The following RGS6 variants were observed in gnomAD, a reference collection of about 807,000 sequenced individuals.
RGS6 encodes regulator of G-protein signaling 6.
Under a neutral mutation model 78.5 loss-of-function variants are expected in RGS6, and 30 were observed. That is an observed-to-expected ratio of 0.38 (90% CI 0.29 to 0.52). The LOEUF (loss-of-function observed/expected upper bound fraction) is 0.52. RGS6 is among the 20% of genes least tolerant of loss of function. RGS6 has a pLI of 0.85. For synonymous variants in RGS6, 206 were observed against 206.0 expected, an observed-to-expected ratio of 1.00 and a Z score of 0.00; for missense variants, 495 against 609.7, an observed-to-expected ratio of 0.81 and a Z score of 1.98.
intron 3 of RGS6, among the ~76,000 whole-genome samples, chr14:72,411,930 G>T (rs2093444355): frequency 6.6e-6 from 1 of 152,160 alleles, no homozygotes; most frequent in Non-Finnish European, 1.5e-5. Context: ...CCTGATCATG[G>T]TGGATAAGCT....
chr14:72,069,292 AT>A (rs1301509345), intron 2 of RGS6, among the ~76,000 whole-genome samples: 1 of 151,498 alleles, frequency 6.6e-6, no homozygotes, highest in Non-Finnish European at 1.5e-5. Context: ...TTAGGTTGAT[AT>A]TTTTTTTCTC....
chr14:72,528,841 T>C (rs917821081), intron 15 of RGS6, among the ~76,000 whole-genome samples: 1 of 152,206 alleles, frequency 6.6e-6, no homozygotes, highest in African/African-American at 2.4e-5. Flanking sequence ...AGATTCTGAA[T>C]ATACATTTCC....
chr14:72,536,448 C>T lies in RGS6; in HGVS notation c.1368+173C>T, dbSNP rs2097252589. On this transcript the variant is annotated intron_variant, in intron 16 of 17. Transcript: ENST00000553525. ...AAAACAGTTAGGATTGTCACCACCC[C>T]AGCCCCACTGCAAGGTCCAGGATGG... 2.0e-5 allele frequency among the ~76,000 whole-genome samples: 3 copies of T among 152,152 alleles called. No individual in the cohort carries two copies. In the South Asian group the frequency reaches 6.2e-4, roughly 32 times the overall value.
chr14:72,609,337 G>A, the RGS6 span, among the ~76,000 whole-genome samples: 5 of 152,176 alleles, frequency 3.3e-5, no homozygotes, highest in African/African-American at 9.7e-5. Context: ...CTGGCACGTG[G>A]GCCACCAGTC....
At chr14:72,001,861 C>CTTTA (rs1184068614) in intron 2 of RGS6, among the ~76,000 whole-genome samples, 2 of 137,554 alleles carry the variant, frequency 1.5e-5, no homozygotes, top group Non-Finnish European at 1.6e-5. Flanking sequence ...TTGTGCAGAA[C>CTTTA]TTTAGTCTTT....
intron 2 of RGS6, among the ~76,000 whole-genome samples, chr14:72,150,075 T>G (rs994279448): frequency 6.6e-5 from 10 of 152,192 alleles, no homozygotes; most frequent in African/African-American, 2.4e-4. Flanking sequence ...GAATGTTACT[T>G]TATATGGAAA....
chr14:72,127,291 A>G (rs1598037158), intron 2 of RGS6, among the ~76,000 whole-genome samples: 1 of 152,238 alleles, frequency 6.6e-6, no homozygotes, highest in Non-Finnish European at 1.5e-5. Context: ...CTGAAAAAGT[A>G]TGAATTGTTA....
intron 13 of RGS6, among the ~76,000 whole-genome samples, chr14:72,504,814 C>T (rs1040018829): frequency 1.3e-4 from 20 of 150,350 alleles, no homozygotes; most frequent in Admixed American, 4.7e-4. Context: ...AGTGCAGTGT[C>T]GGGATCTCAG....
chr14:72,381,442 TAAAATA>T (rs1310993730), intron 3 of RGS6, among the ~76,000 whole-genome samples: 3 of 151,868 alleles, frequency 2.0e-5, no homozygotes, highest in Non-Finnish European at 2.9e-5. Context: ...ATTTTTTAAA[TAAAATA>T]AAACAACTAG....
At chr14:72,074,908 C>G (rs536072316) in intron 2 of RGS6, among the ~76,000 whole-genome samples, 6 of 152,098 alleles carry the variant, frequency 3.9e-5, no homozygotes, top group Non-Finnish European at 8.8e-5. Context: ...TGTCAATATC[C>G]CTGACTCCAG....
intron 1 of RGS6, 91 bp downstream of exon 1, chr14:71,933,032 T>A (rs916004016): frequency 2.0e-5 from 3 of 152,340 alleles, no homozygotes; most frequent in Admixed American, 6.5e-5. Context: ...CCCATTAATA[T>A]GTGTTGATTT....
chr14:72,157,124 G>A (rs1369832116), intron 2 of RGS6, among the ~76,000 whole-genome samples: 1 of 152,198 alleles, frequency 6.6e-6, no homozygotes. Context: ...TATAGGAAGT[G>A]TTGAATTAGG....
At chr14:72,426,962 A>C (rs544215867) in intron 3 of RGS6, among the ~76,000 whole-genome samples, 103 of 152,244 alleles carry the variant, frequency 6.8e-4, no homozygotes, top group Non-Finnish European at 1.3e-3. Context: ...GTTTGTGCTT[A>C]GAATCCAGCT....
chr14:71,934,071 C>T (rs1193916439), intron 1 of RGS6, among the ~76,000 whole-genome samples: 5 of 152,102 alleles, frequency 3.3e-5, no homozygotes, highest in Middle Eastern at 3.2e-3. Context: ...GGGAAACTTT[C>T]TGTAAGATGT....
intron 2 of RGS6, among the ~76,000 whole-genome samples, chr14:72,301,786 C>T (rs1420125501): frequency 6.6e-6 from 1 of 152,162 alleles, no homozygotes; most frequent in African/African-American, 2.4e-5. Context: ...CCTCTGCCCT[C>T]ATCTTCACGT....
intron 3 of RGS6, among the ~76,000 whole-genome samples, chr14:72,425,153 T>C (rs1428968610): frequency 6.6e-6 from 1 of 152,148 alleles, no homozygotes; most frequent in Non-Finnish European, 1.5e-5. Context: ...AAATCTTTTT[T>C]TTTGAGACAG....
intron 3 of RGS6, among the ~76,000 whole-genome samples, chr14:72,372,635 C>T (rs1201989164): frequency 6.6e-6 from 1 of 152,224 alleles, no homozygotes; most frequent in South Asian, 2.1e-4. Flanking sequence ...AAAGAGGACA[C>T]TCTATAGAGT....
intron 2 of RGS6, among the ~76,000 whole-genome samples, chr14:72,113,394 T>G (rs187168623): frequency 1.3e-5 from 2 of 152,292 alleles, no homozygotes; most frequent in East Asian, 3.9e-4. Flanking sequence ...GCTAAAGTAA[T>G]AGCTTTCAAA....
chr14:72,070,146 C>T (rs2094353314), intron 2 of RGS6, among the ~76,000 whole-genome samples: 1 of 152,066 alleles, frequency 6.6e-6, no homozygotes, highest in East Asian at 1.9e-4. Flanking sequence ...CTCTCTCTCT[C>T]TCTGTCTCTC....
Sources: gnomAD v4.1 joint callset for allele counts (sites outside exome capture counted in the v4.1 genomes callset) on GRCh38, gnomAD v4.1.1 for gene constraint, MANE v1.5 for transcripts, NCBI Gene and HGNC (gene_info 2026-07-23, HGNC 2026-07-21) for gene names.